Variants in GPC5 observed in about 807,000 individuals in gnomAD.
GPC5 encodes the protein glypican 5.
GPC5 carries 47 observed loss-of-function variants against 53.9 expected under a neutral mutation model. The observed-to-expected ratio is 0.87, with a 90% CI of 0.69 to 1.11. GPC5 has a LOEUF of 1.11. GPC5 is among the 50% of genes most tolerant of loss of function. The pLI, the probability that GPC5 is intolerant of heterozygous loss-of-function variation, is 0.00. For synonymous variants in GPC5, 286 were observed against 263.3 expected, an observed-to-expected ratio of 1.09 and a Z score of -0.84; for missense variants, 748 against 713.1, an observed-to-expected ratio of 1.05 and a Z score of -0.56.
intron 2 of GPC5, among the ~76,000 whole-genome samples, chr13:91,450,497 G>A (rs1881106156): frequency 6.6e-6 from 1 of 152,102 alleles, no homozygotes; most frequent in South Asian, 2.1e-4. Flanking sequence ...TCAAGATAGA[G>A]CACATTACGT....
chr13:92,292,762 T>C (rs1183504819), intron 7 of GPC5, among the ~76,000 whole-genome samples: 2 of 152,174 alleles, frequency 1.3e-5, no homozygotes, highest in Non-Finnish European at 2.9e-5. Flanking sequence ...TCTAGAAGTT[T>C]TTCCAATGTT....
At chr13:92,138,080 CT>C in intron 6 of GPC5, among the ~76,000 whole-genome samples, 1 of 152,000 alleles carries the variant, frequency 6.6e-6, no homozygotes, top group Non-Finnish European at 1.5e-5. Context: ...TAAAACTACT[CT>C]AAAAAATGAA....
chr13:92,429,287 C>T (rs1482238279), intron 7 of GPC5, among the ~76,000 whole-genome samples: 1 of 151,806 alleles, frequency 6.6e-6, no homozygotes, highest in Non-Finnish European at 1.5e-5. Context: ...AGTTCCTCCC[C>T]AAGTAACCAA....
At chr13:91,620,764 C>T (rs138635960) in intron 2 of GPC5, among the ~76,000 whole-genome samples, 45 of 152,142 alleles carry the variant, frequency 3.0e-4, no homozygotes, top group African/African-American at 9.9e-4. Context: ...TAGCTGATGC[C>T]GATGAACTTG....
intron 2 of GPC5, among the ~76,000 whole-genome samples, chr13:91,618,333 G>T (rs923690644): frequency 2.0e-5 from 3 of 152,124 alleles, no homozygotes; most frequent in Admixed American, 6.6e-5. Flanking sequence ...TTATGTCCAG[G>T]CTTATATTTA....
chr13:91,764,353 G>A (rs377349282), intron 5 of GPC5, among the ~76,000 whole-genome samples: 15 of 152,098 alleles, frequency 9.9e-5, no homozygotes, highest in African/African-American at 2.7e-4. Flanking sequence ...CTTTAATGAC[G>A]TATTGGCTTG....
chr13:91,471,946 A>G (rs1882659467), intron 2 of GPC5, among the ~76,000 whole-genome samples: 1 of 152,140 alleles, frequency 6.6e-6, no homozygotes, highest in Non-Finnish European at 1.5e-5. Flanking sequence ...CCATTCTCCA[A>G]TTTGAAATTC....
At chr13:92,717,048 C>A (rs545253834) in intron 7 of GPC5, among the ~76,000 whole-genome samples, 1 of 151,092 alleles carries the variant, frequency 6.6e-6, no homozygotes, top group Non-Finnish European at 1.5e-5. Context: ...AAGCCCTGTT[C>A]GAATTCACTC....
chr13:92,382,935 G>A (rs970765399), intron 7 of GPC5, among the ~76,000 whole-genome samples: 1 of 150,880 alleles, frequency 6.6e-6, no homozygotes, highest in Non-Finnish European at 1.5e-5. Context: ...CCCGGGAGGC[G>A]GAGCTTGCAG....
chr13:91,675,215 C>T (rs1265118850), intron 2 of GPC5, among the ~76,000 whole-genome samples: 1 of 150,228 alleles, frequency 6.7e-6, no homozygotes, highest in Non-Finnish European at 1.5e-5. Context: ...AAAGACAAAG[C>T]ATCCCTTTAC....
chr13:91,426,712 C>T (rs1160946762), intron 1 of GPC5, among the ~76,000 whole-genome samples: 1 of 152,190 alleles, frequency 6.6e-6, no homozygotes, highest in Non-Finnish European at 1.5e-5. Flanking sequence ...TCTAGTCCTT[C>T]CATATTCCTC....
At chr13:91,556,369 C>T (rs2030947616) in intron 2 of GPC5, among the ~76,000 whole-genome samples, 1 of 151,892 alleles carries the variant, frequency 6.6e-6, no homozygotes, top group African/African-American at 2.4e-5. Flanking sequence ...CCAGCAATCC[C>T]ACTACTGGGT....
intron 7 of GPC5, among the ~76,000 whole-genome samples, chr13:92,466,787 T>A (rs1257347011): frequency 6.6e-6 from 1 of 152,100 alleles, no homozygotes; most frequent in Non-Finnish European, 1.5e-5. Context: ...TCTCTGGTTC[T>A]TGCTGTGAGG....
At chr13:92,496,811 A>G (rs1879997221) in intron 7 of GPC5, among the ~76,000 whole-genome samples, 1 of 152,156 alleles carries the variant, frequency 6.6e-6, no homozygotes, top group Non-Finnish European at 1.5e-5. Flanking sequence ...CTGAGTTAGC[A>G]TGGTCAATCT....
chr13:91,715,901 A>G (rs909722811), intron 3 of GPC5, among the ~76,000 whole-genome samples: 1 of 151,910 alleles, frequency 6.6e-6, no homozygotes, highest in Non-Finnish European at 1.5e-5. Flanking sequence ...AGCCTCCTGA[A>G]TAGCTGGGAC....
intron 7 of GPC5, among the ~76,000 whole-genome samples, chr13:92,603,119 C>T (rs1884135701): frequency 6.6e-6 from 1 of 152,118 alleles, no homozygotes; most frequent in African/African-American, 2.4e-5. Flanking sequence ...ACCATAAATC[C>T]CACTGTTTGT....
At chr13:92,499,656 G>T (rs965220453) in intron 7 of GPC5, among the ~76,000 whole-genome samples, 1 of 152,136 alleles carries the variant, frequency 6.6e-6, no homozygotes, top group Non-Finnish European at 1.5e-5. Context: ...AGCATAAAGT[G>T]CCAGAATCAA....
intron 7 of GPC5, among the ~76,000 whole-genome samples, chr13:92,386,294 T>C (rs1594157339): frequency 6.6e-6 from 1 of 152,138 alleles, no homozygotes; most frequent in Non-Finnish European, 1.5e-5. Context: ...AAAACTAAAC[T>C]TGTTAGCTCT....
intron 6 of GPC5, among the ~76,000 whole-genome samples, chr13:92,125,506 T>A (rs1444553043): frequency 6.6e-6 from 1 of 152,000 alleles, no homozygotes; most frequent in Admixed American, 6.6e-5. Flanking sequence ...AAATGTGAGA[T>A]TCTATAAGAT....
Sources: gnomAD v4.1 joint callset for allele counts (sites outside exome capture counted in the v4.1 genomes callset) on GRCh38, gnomAD v4.1.1 for gene constraint, MANE v1.5 for transcripts, NCBI Gene and HGNC (gene_info 2026-07-23, HGNC 2026-07-21) for gene names.